The following CCDC141 variants were observed in gnomAD, a reference collection of about 807,000 sequenced individuals.
CCDC141 encodes coiled-coil domain containing 141.
CCDC141 carries 168 observed loss-of-function variants against 181.0 expected under a neutral mutation model. That is an observed-to-expected ratio of 0.93 (90% CI 0.82 to 1.05). The LOEUF (loss-of-function observed/expected upper bound fraction) is 1.05. Ranked by LOEUF, CCDC141 falls within the 50% of genes least tolerant of loss-of-function variation. The probability of loss-of-function intolerance (pLI) is 0.00; values close to 1 mark genes in which losing one functional copy is unlikely to be tolerated. For missense variants in CCDC141, 1,902 were observed against 1,788.5 expected (o/e 1.06, Z -1.14); for synonymous variants, 666 against 642.3 (o/e 1.04, Z -0.56).
chr2:178,825,898 A>G (rs1684118794), downstream of CCDC141, among the ~76,000 whole-genome samples: 1 of 152,128 alleles, frequency 6.6e-6, no homozygotes, highest in Admixed American at 6.6e-5. Context: ...GGGATTTTCT[A>G]GGTAGAAAGT....
At chr2:179,047,655 G>A (rs571243963) in intron 1 of CCDC141, among the ~76,000 whole-genome samples, 2 of 152,046 alleles carry the variant, frequency 1.3e-5, no homozygotes, top group African/African-American at 4.8e-5. Flanking sequence ...TTGGCATATT[G>A]GATTTGAGTT....
At chr2:178,902,655 A>G (rs1228458626) in intron 8 of CCDC141, among the ~76,000 whole-genome samples, 1 of 152,020 alleles carries the variant, frequency 6.6e-6, no homozygotes, top group East Asian at 1.9e-4. Flanking sequence ...TAAAAACCCT[A>G]GAAGAAAACC....
At chr2:178,824,617 C>CAAAAA in the CCDC141 span, among the ~76,000 whole-genome samples, 42 of 52,286 alleles carry the variant, frequency 8.0e-4, 7 homozygotes, top group South Asian at 5.5e-3. Context: ...GAGACTTCGT[C>CAAAAA]AAAAAAAAAA....
intron 2 of CCDC141, among the ~76,000 whole-genome samples, chr2:179,014,266 C>G (rs970985896): frequency 1.4e-4 from 22 of 152,004 alleles, no homozygotes; most frequent in African/African-American, 5.3e-4. Context: ...ATACAAAAAC[C>G]AACTCGAGAT....
intron 6 of CCDC141, among the ~76,000 whole-genome samples, chr2:178,935,501 C>T (rs1213048983): frequency 2.0e-5 from 3 of 152,116 alleles, no homozygotes; most frequent in African/African-American, 7.2e-5. Flanking sequence ...ATATGTACCA[C>T]ATTTTCTTTA....
intron 2 of CCDC141, among the ~76,000 whole-genome samples, chr2:179,015,075 T>C (rs1475047807): frequency 0.017 from 498 of 28,954 alleles, 48 homozygotes; most frequent in Middle Eastern, 0.064. Flanking sequence ...GAGATATATA[T>C]ATATATATAT....
chr2:178,912,187 C>A (rs918664282), intron 7 of CCDC141, among the ~76,000 whole-genome samples: 2 of 152,082 alleles, frequency 1.3e-5, no homozygotes, highest in African/African-American at 4.8e-5. Flanking sequence ...TTTAATTTAG[C>A]AAAAGAAATC....
At chr2:179,044,598 C>T (rs558744784) in intron 2 of CCDC141, among the ~76,000 whole-genome samples, 89 of 152,236 alleles carry the variant, frequency 5.8e-4, no homozygotes, top group African/African-American at 2.0e-3. Context: ...GCTCACCCAC[C>T]ACTACCCACA....
intron 2 of CCDC141, among the ~76,000 whole-genome samples, chr2:178,983,202 C>A (rs1325126632): frequency 1.3e-5 from 2 of 152,176 alleles, no homozygotes; most frequent in African/African-American, 4.8e-5. Flanking sequence ...CCAGCAGGGG[C>A]ACACTGACAC....
chr2:178,857,789 C>T (rs1327805716), intron 17 of CCDC141, among the ~76,000 whole-genome samples: 5 of 152,118 alleles, frequency 3.3e-5, no homozygotes, highest in Non-Finnish European at 7.4e-5. Flanking sequence ...AAATTCTTTT[C>T]AATGATAGCA....
At position 178,867,658 on chromosome 2, in the gene CCDC141, T is replaced by G. The variant is rs545470994; in HGVS notation, c.2574+368A>C. On this transcript the variant is annotated intron_variant, in intron 16 of 23. Coordinates refer to ENST00000443758, the MANE Select transcript of CCDC141 (RefSeq NM_173648.4). ...CCCATAACTATACTGAAGATCAATT[T>G]TTAAATTTATATTTAAATTAATGCA... Among the ~76,000 whole-genome samples the G allele has an allele frequency of 4.9e-4, 75 of 152,310 alleles. No homozygotes were observed. The South Asian group carries it at 9.3e-3, about 19-fold the overall frequency.
intron 20 of CCDC141, among the ~76,000 whole-genome samples, chr2:178,851,181 G>A (rs1011917635): frequency 2.7e-5 from 4 of 146,962 alleles, no homozygotes; most frequent in African/African-American, 5.1e-5. Context: ...ACTCCAGCCT[G>A]GGTGACAAAG....
At chr2:178,850,218 A>G in intron 20 of CCDC141, 57 bp from the exon 21 acceptor site, 1 of 870,234 alleles carries the variant, frequency 1.1e-6, no homozygotes, top group South Asian at 1.4e-5. Flanking sequence ...CAAGAAGAAA[A>G]GTCCAGGTAT....
At chr2:179,000,507 G>C (rs1225076527) in intron 2 of CCDC141, among the ~76,000 whole-genome samples, 2 of 152,166 alleles carry the variant, frequency 1.3e-5, no homozygotes, top group Admixed American at 1.3e-4. Context: ...CTGGTTTAGA[G>C]AGCTGTTCAG....
intron 16 of CCDC141, 51 bp downstream of exon 16, chr2:178,867,975 C>T (rs1426432593): frequency 2.1e-6 from 3 of 1,461,586 alleles, no homozygotes; most frequent in Admixed American, 1.7e-5. Flanking sequence ...ATATGCTAGC[C>T]CAAGCCCCAG....
At chr2:178,946,145 C>T (rs532728477) in intron 5 of CCDC141, among the ~76,000 whole-genome samples, 4 of 152,142 alleles carry the variant, frequency 2.6e-5, no homozygotes, top group South Asian at 2.1e-4. Context: ...CATTTTCTTC[C>T]GAATATCTGG....
At chr2:178,827,044 A>C (rs1575104153), downstream of CCDC141, among the ~76,000 whole-genome samples, 1 of 152,088 alleles carries the variant, frequency 6.6e-6, no homozygotes, top group Non-Finnish European at 1.5e-5. Context: ...ACAGATTTTG[A>C]TAAGTTATAT....
In CCDC141 at chr2:178,872,183, T is replaced by C; in HGVS notation, c.2029A>G (p.Ser677Gly). Residue 677 changes from serine (S) to glycine (G), a missense_variant, in exon 13 of 24, where the codon AGC becomes GGC. Transcript: ENST00000443758. ...GCCCACTGCTGTTTTCCAGGCTTGCTTTCCGTGGCTTTAAGCTGCCATGCC... is the reference window on the plus strand; with the variant it reads ...GCCCACTGCTGTTTTCCAGGCTTGCCTTCCGTGGCTTTAAGCTGCCATGCC... ...RLAWQLKATE[S>G]KPGKQQWAAF... The C allele has an allele frequency of 6.2e-7, 1 of 1,614,076 alleles. No homozygotes were observed.
chr2:179,041,505 T>G (rs1362649820), intron 2 of CCDC141, among the ~76,000 whole-genome samples: 37 of 143,650 alleles, frequency 2.6e-4, no homozygotes, highest in African/African-American at 7.9e-4. Flanking sequence ...TTTTTTTTTT[T>G]TTTTTTTTTT....
Sources: gnomAD v4.1 joint callset for allele counts (sites outside exome capture counted in the v4.1 genomes callset) on GRCh38, gnomAD v4.1.1 for gene constraint, MANE v1.5 for transcripts, NCBI Gene and HGNC (gene_info 2026-07-23, HGNC 2026-07-21) for gene names.